The following TAF6L variants were observed in gnomAD, a reference collection of about 807,000 sequenced individuals.
TAF6L encodes the protein TAF6-like RNA polymerase II p300/CBP-associated factor-associated factor 65 kDa subunit 6L.
A neutral mutation model predicts 57.3 loss-of-function variants in TAF6L; 34 were observed. The ratio of observed to expected loss-of-function variants is 0.59; its 90% CI spans 0.45 to 0.79. The LOEUF (loss-of-function observed/expected upper bound fraction) is 0.79. Ranked by LOEUF, TAF6L falls within the 30% of genes least tolerant of loss-of-function variation. The pLI is 0.00. For synonymous variants in TAF6L, 417 were observed against 376.3 expected, an observed-to-expected ratio of 1.11 and a Z score of -1.25; for missense variants, 782 against 853.2, an observed-to-expected ratio of 0.92 and a Z score of 1.04.
chr11:62,786,616 T>G lies in TAF6L; in HGVS notation c.1189T>G (p.Trp397Gly). 6.3e-7 allele frequency: 1 copy of G among 1,595,996 alleles called. No homozygotes were observed. Among genetic ancestry groups the G allele is most frequent in the South Asian group, 1.1e-5 (1 of 89,018 alleles). The stretch of plus-strand genomic sequence containing the variant: ...GTGCCGGCGCCTGGACGACCTGCCA[T>G]GGGACAGCCTTCTCTTTCAAGAGTC... ...RGCRRLDDLP[W>G]DSLLFQESSS... is the part of the protein sequence containing the mutation. Residue 397 changes from tryptophan to glycine, a missense_variant, in exon 11 of 11, where the codon TGG becomes GGG. This residue lies in a region of TAF6L where 483 missense variants were observed against 445.1 expected (regional missense o/e 1.09). Coordinates refer to ENST00000294168, the MANE Select transcript of TAF6L (RefSeq NM_006473.4).
chr11:62,778,022 C>T lies in TAF6L; in HGVS notation c.279C>T (p.Pro93=), dbSNP rs759853426. Residue 93 remains proline (P), a synonymous_variant, in exon 4 of 11, where the codon CCC becomes CCT. Transcript: ENST00000294168. ...YGSQEALPMR[P]AREGELYFPE... ...CACAGGAGGCACTGCCCATGCGCCC[C>T]GCCAGGGAGGGTGAACTCTACTTTC... is the stretch of plus-strand genomic sequence containing the variant. 5.0e-5 allele frequency: 80 copies of T among 1,614,194 alleles called. No individual in the cohort carries two copies. The Middle Eastern group carries it at 6.6e-4, about 13-fold the overall frequency.
chr11:62,786,469 C>T (rs2084276820), intron 10 of TAF6L, 48 bp from the exon 11 acceptor site: 1 of 1,586,174 alleles, frequency 6.3e-7, no homozygotes, highest in African/African-American at 1.3e-5. Context: ...ATTTGATGGG[C>T]CCAGGTTCCT....
chr11:62,780,711 T>C (rs1204583379), intron 6 of TAF6L, among the ~76,000 whole-genome samples: 1 of 141,662 alleles, frequency 7.1e-6, no homozygotes, highest in African/African-American at 2.6e-5. Context: ...GGGTGGATCA[T>C]GTGAGGCCGG....
Position 62,787,333 on chromosome 11 carries a change from C to A in TAF6L, c.*37C>A, listed in dbSNP as rs548299721. The stretch of plus-strand genomic sequence containing the variant: ...CTTCGTTCCTTGTAAATAAATCCCG[C>A]CCCCGGAAATGACGTCTCCACCTTC... On this transcript the variant is annotated 3_prime_UTR_variant, in exon 11 of 11. Coordinates refer to ENST00000294168, the MANE Select transcript of TAF6L (RefSeq NM_006473.4). 75 of 1,523,552 alleles carry A rather than the reference C, an allele frequency of 4.9e-5. No homozygotes were observed. The East Asian group carries it at 1.5e-3, about 30-fold the overall frequency. 94.4% of individuals were successfully genotyped at this position (1,523,552 alleles called of 1,614,324 possible).
chr11:62,787,147 C>T lies in TAF6L; in HGVS notation c.1720C>T (p.Arg574Cys), dbSNP rs867380879. The T allele has an allele frequency of 4.5e-6, 7 of 1,570,434 alleles. No homozygotes were observed. Among genetic ancestry groups the T allele is most frequent in the Admixed American group, 1.8e-5 (1 of 56,282 alleles). ...CGGGCGGCAGGCTGGGAGGCGCTGC[C>T]GCGGGCGCCTTTTCCAGACTGCCTT... Reference protein sequence around the residue: ...IAGRQAGRRCRGRLFQTAFPA... With the variant: ...IAGRQAGRRCCGRLFQTAFPA... The change falls in exon 11 of 11, where the codon CGC becomes TGC. Residue 574 changes from arginine to cysteine, a missense_variant. Coordinates refer to ENST00000294168, the MANE Select transcript of TAF6L (RefSeq NM_006473.4).
rs561547191 is a variant in TAF6L, at chr11:62,786,996, C to T, written c.1569C>T (p.Pro523=). 4 of 1,481,758 alleles carry T rather than the reference C, an allele frequency of 2.7e-6. No homozygotes were observed. Among genetic ancestry groups the T allele is most frequent in the Non-Finnish European group, 3.6e-6 (4 of 1,125,998 alleles). 91.8% of individuals were successfully genotyped at this position (1,481,758 alleles called of 1,614,324 possible). ...GGCCCGCCGCCTCTGAGAGCAGGCC[C>T]TTGCCGCGCGTGCATCGGGCGCGCG... ...ASGPAASESR[P]LPRVHRARGA... The change falls in exon 11 of 11, where the codon CCC becomes CCT. Residue 523 remains proline (P), a synonymous_variant. Transcript: ENST00000294168.
intron 3 of TAF6L, among the ~76,000 whole-genome samples, chr11:62,777,014 G>A (rs2084193085): frequency 6.6e-6 from 1 of 152,064 alleles, no homozygotes; most frequent in Non-Finnish European, 1.5e-5. Context: ...GGCCGTGGCG[G>A]TGGGCGCCTG....
At chr11:62,774,920 C>T (rs2084174639) in intron 1 of TAF6L, among the ~76,000 whole-genome samples, 1 of 150,404 alleles carries the variant, frequency 6.6e-6, no homozygotes, top group Non-Finnish European at 1.5e-5. Context: ...ATTTAGCCAT[C>T]CGGGCGTGGT....
chr11:62,779,037 T>TTTTAAA, intron 6 of TAF6L, 74 bp downstream of exon 6: 1 of 1,204,092 alleles, frequency 8.3e-7, no homozygotes, highest in East Asian at 2.5e-5. Context: ...TTTTTTTTTT[T>TTTTAAA]GAGACAGAGT....
chr11:62,782,190 C>T lies in TAF6L; in HGVS notation c.684C>T (p.His228=), dbSNP rs2084235135. 1.9e-6 allele frequency: 3 copies of T among 1,614,034 alleles called. No homozygotes were observed. Among genetic ancestry groups the T allele is most frequent in the African/African-American group, 2.7e-5 (2 of 74,922 alleles). Residue 228 remains histidine (H), a synonymous_variant, in exon 8 of 11, where the codon CAC becomes CAT. Transcript: ENST00000294168. ...QVARSLFRNP[H]LCLGPYVRCL... ...CACGGAGCCTATTTCGTAATCCGCA[C>T]CTGTGCTTGGGGCCCTATGTCCGCT...
intron 6 of TAF6L, 100 bp from the exon 7 acceptor site, chr11:62,781,794 A>G: frequency 9.7e-7 from 1 of 1,032,264 alleles, no homozygotes; most frequent in Non-Finnish European, 1.5e-6. Flanking sequence ...TTAAAATTGT[A>G]AAACATGAAT....
intron 1 of TAF6L, 32 bp from the exon 2 acceptor site, chr11:62,775,739 C>A: frequency 6.4e-7 from 1 of 1,572,858 alleles, no homozygotes; most frequent in Non-Finnish European, 8.6e-7. Flanking sequence ...GGAGGCTGGG[C>A]AGCTTTTCCA....
At chr11:62,786,152 G>C (rs778810343) in intron 9 of TAF6L, 108 bp from the exon 10 acceptor site, 29 of 1,388,190 alleles carry the variant, frequency 2.1e-5, no homozygotes, top group Non-Finnish European at 2.9e-5. Context: ...TAGGAGGATT[G>C]AGCCCTGTCT....
Position 62,777,962 on chromosome 11 carries a change from T to A in TAF6L, c.235-16T>A. 1 of 1,613,618 alleles carries A rather than the reference T, an allele frequency of 6.2e-7. No individual in the cohort carries two copies. The highest frequency in any genetic ancestry group is 1.1e-5 in the South Asian group (1 of 91,058). ...TCCCTGGATTCAGGCTGCTCTCCAA[T>A]TCCCTTTTTCCTCAGGCTGTGTGTG... is the stretch of plus-strand genomic sequence containing the variant. On this transcript the variant is annotated splice_polypyrimidine_tract_variant and intron_variant, in intron 3 of 10. Transcript: ENST00000294168.
At chr11:62,772,939 G>A (rs1333092091) in intron 1 of TAF6L, among the ~76,000 whole-genome samples, 2 of 151,332 alleles carry the variant, frequency 1.3e-5, no homozygotes, top group African/African-American at 4.9e-5. Flanking sequence ...GTGCAGTGGT[G>A]CAATCTCGGC....
At chr11:62,786,060 C>T in intron 9 of TAF6L, 200 bp from the exon 10 acceptor site, 1 of 614,770 alleles carries the variant, frequency 1.6e-6, no homozygotes, top group Non-Finnish European at 2.8e-6. Context: ...CCCTTTGTAC[C>T]TTATCTTTAT....
intron 9 of TAF6L, 129 bp from the exon 10 acceptor site, chr11:62,786,131 A>G (rs557428192): frequency 3.3e-4 from 388 of 1,179,404 alleles, no homozygotes; most frequent in Non-Finnish European, 4.4e-4. Context: ...GAATATGCCA[A>G]TCAGGGAATT....
chr11:62,785,594 G>T (rs1318211288), intron 9 of TAF6L, among the ~76,000 whole-genome samples: 2 of 151,268 alleles, frequency 1.3e-5, no homozygotes, highest in Non-Finnish European at 2.9e-5. Flanking sequence ...GAGTGCGGTG[G>T]TGTGATCTCG....
chr11:62,777,157 AC>A (rs2084193842), intron 3 of TAF6L, among the ~76,000 whole-genome samples: 1 of 151,220 alleles, frequency 6.6e-6, no homozygotes, highest in Admixed American at 6.6e-5. Context: ...AAAAAAAAAA[AC>A]AACCAAAAAA....
Sources: gnomAD v4.1 joint callset for allele counts (sites outside exome capture counted in the v4.1 genomes callset) on GRCh38, gnomAD v4.1.1 for gene constraint, gnomAD v4.1.1 regional missense constraint, MANE v1.5 for transcripts, NCBI Gene and HGNC (gene_info 2026-07-23, HGNC 2026-07-21) for gene names.